The following CACNA2D2 variants were observed in gnomAD, a reference collection of about 807,000 sequenced individuals.
CACNA2D2 encodes the protein voltage-dependent calcium channel subunit alpha-2/delta-2.
In CACNA2D2, 48 loss-of-function variants were observed where a neutral mutation model predicts 166.4. The observed-to-expected ratio is 0.29, with a 90% CI of 0.23 to 0.37. CACNA2D2 has a LOEUF of 0.37. CACNA2D2 is among the 10% of genes least tolerant of loss of function. The pLI, the probability that CACNA2D2 is intolerant of heterozygous loss-of-function variation, is 1.00. For synonymous variants in CACNA2D2, 561 were observed against 573.7 expected (o/e 0.98, Z 0.32); for missense variants, 1,122 against 1,433.0 (o/e 0.78, Z 3.50).
chr3:50,373,779 C>T (rs1704792495), intron 22 of CACNA2D2, among the ~76,000 whole-genome samples: 1 of 117,284 alleles, frequency 8.5e-6, no homozygotes, highest in Non-Finnish European at 1.8e-5. Flanking sequence ...AGGTTGGATG[C>T]AGAGGGGAGA....
At chr3:50,399,932 T>C (rs1031284677) in intron 3 of CACNA2D2, among the ~76,000 whole-genome samples, 4 of 152,136 alleles carry the variant, frequency 2.6e-5, no homozygotes, top group African/African-American at 9.7e-5. Context: ...AGCCTTGGTA[T>C]CACTGGATCC....
At chr3:50,432,123 G>A (rs1320541396) in intron 3 of CACNA2D2, among the ~76,000 whole-genome samples, 4 of 152,204 alleles carry the variant, frequency 2.6e-5, no homozygotes, top group Admixed American at 6.5e-5. Context: ...AGCAAGGGGG[G>A]TGCAGGGAGA....
At chr3:50,425,392 C>T (rs905543376) in intron 3 of CACNA2D2, among the ~76,000 whole-genome samples, 1 of 152,210 alleles carries the variant, frequency 6.6e-6, no homozygotes, top group Non-Finnish European at 1.5e-5. Flanking sequence ...AGCTCAAATG[C>T]TACCTCCTCC....
chr3:50,404,204 G>A (rs190522662), intron 3 of CACNA2D2, among the ~76,000 whole-genome samples: 148 of 152,286 alleles, frequency 9.7e-4, no homozygotes, highest in Non-Finnish European at 1.6e-3. Flanking sequence ...GGTGTGGGGG[G>A]TGAAGGTGTG....
chr3:50,380,662 G>T lies in CACNA2D2; in HGVS notation c.842+86C>A. 9.0e-7 allele frequency: 1 copy of T among 1,117,276 alleles called. No homozygotes were observed. The highest frequency in any genetic ancestry group is 1.2e-6 in the Non-Finnish European group (1 of 800,548). The allele number at this position is 1,117,276 out of a possible 1,614,324, so 69.2% of individuals were successfully genotyped here. ...ACAGCTGGCTGCGCCCTGCTAGGAGGCTTGGAAATGGGGAGGGAGGGGAGC... is the reference window on the plus strand; with the variant it reads ...ACAGCTGGCTGCGCCCTGCTAGGAGTCTTGGAAATGGGGAGGGAGGGGAGC... On this transcript the variant is annotated intron_variant, in intron 8 of 37. Coordinates refer to ENST00000424201, the MANE Select transcript of CACNA2D2 (RefSeq NM_006030.4). The surrounding 1 kb of genome is among the most constrained non-coding windows in gnomAD (Gnocchi z 4.9).
intron 3 of CACNA2D2, among the ~76,000 whole-genome samples, chr3:50,401,653 T>A (rs778497977): frequency 6.6e-6 from 1 of 152,170 alleles, no homozygotes; most frequent in Non-Finnish European, 1.5e-5. Flanking sequence ...TTAAAAAAAC[T>A]CCCACTCTCT....
intron 3 of CACNA2D2, chr3:50,420,017 C>T (rs988166639): frequency 1.3e-5 from 2 of 152,294 alleles, no homozygotes; most frequent in Non-Finnish European, 2.9e-5. Context: ...CCCAGGTCCC[C>T]CGCGGAGACG....
rs587711479 is a variant in CACNA2D2, at chr3:50,379,300, C to A, written c.1153-101G>T. ...GCCTGGACCTCTGGCCCTCCTCCCC[C>A]ACAGCAGATGGAGCTATCTGTCCAA... On this transcript the variant is annotated intron_variant, in intron 11 of 37. Transcript: ENST00000424201. The surrounding 1 kb of genome is among the most constrained non-coding windows in gnomAD (Gnocchi z 6.5). 3.5e-5 allele frequency: 50 copies of A among 1,445,686 alleles called. No homozygotes were observed. The South Asian group carries it at 5.0e-4, about 15-fold the overall frequency. The allele number at this position is 1,445,686 out of a possible 1,614,324, so 89.6% of individuals were successfully genotyped here. A position where few individuals can be genotyped will look rare whatever the true frequency, so the allele number is the denominator to read the frequency against.
At chr3:50,438,405 G>A (rs977402432) in intron 2 of CACNA2D2, among the ~76,000 whole-genome samples, 1 of 152,168 alleles carries the variant, frequency 6.6e-6, no homozygotes, top group African/African-American at 2.4e-5. Context: ...AGTCCGGCCA[G>A]CCCTCCATCC....
chr3:50,468,379 T>TTGTGTGTGTGTGTGTG (rs1559978358), intron 2 of CACNA2D2, among the ~76,000 whole-genome samples: 10 of 68,858 alleles, frequency 1.5e-4, no homozygotes, highest in African/African-American at 4.9e-4. Context: ...TTCATCAGAA[T>TTGTGTGTGTGTGTGTG]AGTGTGTGTG....
At chr3:50,492,450 C>G (rs979422622) in intron 1 of CACNA2D2, among the ~76,000 whole-genome samples, 2 of 152,254 alleles carry the variant, frequency 1.3e-5, no homozygotes, top group Non-Finnish European at 1.5e-5. Flanking sequence ...GCTGCTCCCC[C>G]AAACCCCAGG....
intron 4 of CACNA2D2, among the ~76,000 whole-genome samples, chr3:50,391,904 G>A (rs867138012): frequency 1.3e-5 from 2 of 152,218 alleles, no homozygotes; most frequent in Admixed American, 1.3e-4. Flanking sequence ...TGCTGGTCAC[G>A]CTGTCACTGC....
chr3:50,472,864 T>C (rs967208925), intron 2 of CACNA2D2, among the ~76,000 whole-genome samples: 12 of 152,318 alleles, frequency 7.9e-5, no homozygotes, highest in African/African-American at 1.9e-4. Context: ...ATGCACTCTA[T>C]TCTCCCCCAG....
intron 3 of CACNA2D2, among the ~76,000 whole-genome samples, chr3:50,402,046 C>T (rs774497197): frequency 2.6e-4 from 40 of 152,176 alleles, no homozygotes; most frequent in Non-Finnish European, 5.3e-4. Context: ...AGGAGGAAGG[C>T]CATGAGCTCT....
At chr3:50,409,891 G>A (rs1290641043) in intron 3 of CACNA2D2, among the ~76,000 whole-genome samples, 1 of 152,188 alleles carries the variant, frequency 6.6e-6, no homozygotes, top group Non-Finnish European at 1.5e-5. Context: ...TCCAAGCTCT[G>A]CCTCAGATTC....
rs2106645369 is a variant in CACNA2D2 at position 50,376,811 on chromosome 3, C to G, written c.1627-623G>C. On this transcript the variant is annotated intron_variant, in intron 17 of 37. Coordinates refer to ENST00000424201, the MANE Select transcript of CACNA2D2 (RefSeq NM_006030.4). The surrounding 1 kb of genome is among the most constrained non-coding windows in gnomAD (Gnocchi z 4.3). ...CTGTTGTACATACCACACCTCTCCC[C>G]CTTCCACAGGCCAAGATGCAGACTC... 6.6e-6 allele frequency among the ~76,000 whole-genome samples: 1 copy of G among 152,336 alleles called. No homozygotes were observed. The highest frequency in any genetic ancestry group is 6.5e-5 in the Admixed American group (1 of 15,306).
At chr3:50,476,302 C>T (rs1679335682) in intron 1 of CACNA2D2, 103 bp from the exon 2 acceptor site, 5 of 836,492 alleles carry the variant, frequency 6.0e-6, no homozygotes, top group Admixed American at 2.2e-5. Context: ...TCCACTCACA[C>T]CCCAATTTTC....
chr3:50,498,200 G>A (rs1277327280), intron 1 of CACNA2D2, among the ~76,000 whole-genome samples: 1 of 152,154 alleles, frequency 6.6e-6, no homozygotes, highest in African/African-American at 2.4e-5. Context: ...CACCTGCCTT[G>A]ACTCCCAAAC....
intron 2 of CACNA2D2, among the ~76,000 whole-genome samples, chr3:50,442,469 T>C (rs1358077250): frequency 2.0e-5 from 3 of 152,168 alleles, no homozygotes; most frequent in African/African-American, 7.2e-5. Flanking sequence ...CTAAGATGCT[T>C]GACCCAGGCC....
Sources: gnomAD v4.1 joint callset for allele counts (sites outside exome capture counted in the v4.1 genomes callset) on GRCh38, gnomAD v4.1.1 for gene constraint, Gnocchi (gnomAD v3.1) non-coding constraint, MANE v1.5 for transcripts, NCBI Gene and HGNC (gene_info 2026-07-23, HGNC 2026-07-21) for gene names.